CNOT1: variants seen among roughly 807,000 people sequenced by gnomAD.
CNOT1 encodes CCR4-NOT transcription complex subunit 1.
In CNOT1, 15 loss-of-function variants were observed where a neutral mutation model predicts 273.8. The ratio of observed to expected loss-of-function variants is 0.05; its 90% CI spans 0.04 to 0.08. CNOT1 has a LOEUF of 0.08. Ranked by LOEUF, CNOT1 falls within the 10% of genes least tolerant of loss-of-function variation. The pLI is 1.00. For missense variants in CNOT1, 1,644 were observed against 2,912.2 expected (o/e 0.56, Z 10.02); for synonymous variants, 1,022 against 1,005.5 (o/e 1.02, Z -0.31).
At chr16:58,557,080 T>G in intron 18 of CNOT1, 87 bp from the exon 19 acceptor site, 1 of 1,466,084 alleles carries the variant, frequency 6.8e-7, no homozygotes, top group Non-Finnish European at 9.0e-7. Context: ...TAAGACAGAC[T>G]TTTAAAATAA....
At chr16:58,624,901 T>G (rs1036832870) in intron 1 of CNOT1, 2 of 152,072 alleles carry the variant, frequency 1.3e-5, no homozygotes, top group African/African-American at 4.8e-5. Flanking sequence ...GAACAATGCT[T>G]TATTTGGTTT....
chr16:58,539,331 A>G (rs2040006221), intron 35 of CNOT1, among the ~76,000 whole-genome samples: 1 of 152,040 alleles, frequency 6.6e-6, no homozygotes, highest in Non-Finnish European at 1.5e-5. Context: ...TGTCTCTACA[A>G]AAAAATTAAA....
chr16:58,560,682 A>G (rs1180540696), intron 16 of CNOT1, among the ~76,000 whole-genome samples: 1 of 152,164 alleles, frequency 6.6e-6, no homozygotes, highest in Non-Finnish European at 1.5e-5. Context: ...GTTTGAGGCC[A>G]ACCTGGGCAA....
At chr16:58,526,175 C>T in intron 44 of CNOT1, 37 bp from the exon 45 acceptor site, 2 of 1,610,070 alleles carry the variant, frequency 1.2e-6, no homozygotes, top group Non-Finnish European at 1.7e-6. Flanking sequence ...CAAGCAGAAT[C>T]ATTTTTATTA....
rs549144929 is a variant in CNOT1, at chr16:58,593,972, T to A, written c.103-5066A>T. Among the ~76,000 whole-genome samples, 4 of 152,256 alleles carry A rather than the reference T, an allele frequency of 2.6e-5. No homozygotes were observed. The East Asian group carries it at 5.8e-4, about 22-fold the overall frequency. ...AAATGAAAAAAGGCAAGGCCAGGCA[T>A]GGTGGCTCACGCCTGTAATCCCAGC... On this transcript the variant is annotated intron_variant, in intron 2 of 48. Coordinates refer to ENST00000317147, the MANE Select transcript of CNOT1 (RefSeq NM_016284.5).
chr16:58,556,242 T>A (rs902365127), intron 19 of CNOT1, among the ~76,000 whole-genome samples: 1 of 152,194 alleles, frequency 6.6e-6, no homozygotes, highest in East Asian at 1.9e-4. Flanking sequence ...AAAATCACAT[T>A]TAACATATAA....
chr16:58,581,246 CTACTT>C (rs1364929315), intron 11 of CNOT1, 94 bp downstream of exon 11: 1 of 1,371,854 alleles, frequency 7.3e-7, no homozygotes, highest in Non-Finnish European at 9.8e-7. Context: ...ATAACAAATT[CTACTT>C]TACAAGAATA....
chr16:58,546,573 G>A, intron 28 of CNOT1, 75 bp from the exon 29 acceptor site: 1 of 1,604,374 alleles, frequency 6.2e-7, no homozygotes. Flanking sequence ...TCTACTTTCA[G>A]TTATTATAGT....
intron 36 of CNOT1, 129 bp downstream of exon 36, chr16:58,538,643 G>T: frequency 7.4e-7 from 1 of 1,359,664 alleles, no homozygotes; most frequent in Non-Finnish European, 9.9e-7. Context: ...TCACCTCTCA[G>T]AAGTAGGAAG....
chr16:58,590,437 CA>C (rs1438220529), intron 2 of CNOT1, among the ~76,000 whole-genome samples: 1 of 151,564 alleles, frequency 6.6e-6, no homozygotes, highest in Non-Finnish European at 1.5e-5. Context: ...CCATCTCTAC[CA>C]AAAAAAATAG....
intron 13 of CNOT1, among the ~76,000 whole-genome samples, chr16:58,577,091 CTTT>C (rs11287356): frequency 6.8e-5 from 10 of 147,998 alleles, no homozygotes; most frequent in Non-Finnish European, 4.5e-5. Flanking sequence ...AATTCCATTT[CTTT>C]TTTTTTTTTT....
intron 16 of CNOT1, among the ~76,000 whole-genome samples, chr16:58,564,059 T>C (rs190980961): frequency 1.2e-4 from 19 of 152,284 alleles, no homozygotes; most frequent in Admixed American, 3.3e-4. Flanking sequence ...TCTCTAATTG[T>C]ATGGAGTGAA....
chr16:58,617,649 CTTG>C (rs2043139834), intron 1 of CNOT1, among the ~76,000 whole-genome samples: 1 of 152,254 alleles, frequency 6.6e-6, no homozygotes, highest in Non-Finnish European at 1.5e-5. Flanking sequence ...CAACAGTGCC[CTTG>C]TTGAGAAAAT....
intron 14 of CNOT1, 52 bp downstream of exon 14, chr16:58,576,411 T>A: frequency 6.2e-7 from 1 of 1,603,042 alleles, no homozygotes; most frequent in East Asian, 2.3e-5. Context: ...GCGCCCGGCC[T>A]TTTTTTCTCA....
intron 1 of CNOT1, among the ~76,000 whole-genome samples, chr16:58,599,809 TAA>T (rs1057006263): frequency 6.6e-6 from 1 of 152,178 alleles, no homozygotes; most frequent in Non-Finnish European, 1.5e-5. Flanking sequence ...CTCACACCTG[TAA>T]CCCCAGCACT....
At chr16:58,582,269 C>A (rs947854324) in intron 10 of CNOT1, among the ~76,000 whole-genome samples, 1 of 152,008 alleles carries the variant, frequency 6.6e-6, no homozygotes, top group Non-Finnish European at 1.5e-5. Context: ...TTCAGCCTGG[C>A]CAACAGAGTG....
At chr16:58,604,737 C>A (rs1384356686) in intron 1 of CNOT1, among the ~76,000 whole-genome samples, 1 of 143,128 alleles carries the variant, frequency 7.0e-6, no homozygotes, top group Non-Finnish European at 1.5e-5. Context: ...GCAGAGGTTG[C>A]GGTGGGCCAA....
In CNOT1 at chr16:58,574,593, T is replaced by A; in HGVS notation, c.1979+16A>T. The A allele has an allele frequency of 6.4e-7, 1 of 1,564,338 alleles. No homozygotes were observed. The highest frequency in any genetic ancestry group is 8.6e-7 in the Non-Finnish European group (1 of 1,162,776). On this transcript the variant is annotated intron_variant, in intron 16 of 48. Transcript: ENST00000317147. Reference sequence around the variant, plus strand: ...TCCAATTCAAAAAAAGTCATATTCATGTATGTACTTCTTACCCTGCACAAG... The same window carrying A: ...TCCAATTCAAAAAAAGTCATATTCAAGTATGTACTTCTTACCCTGCACAAG...
chr16:58,539,708 G>A (rs2040030715), intron 35 of CNOT1, 60 bp downstream of exon 35: 4 of 1,455,594 alleles, frequency 2.7e-6, no homozygotes, highest in Non-Finnish European at 3.7e-6. Context: ...AGATGGTGGT[G>A]CAGGTCAATA....
Sources: gnomAD v4.1 joint callset for allele counts (sites outside exome capture counted in the v4.1 genomes callset) on GRCh38, gnomAD v4.1.1 for gene constraint, MANE v1.5 for transcripts, NCBI Gene and HGNC (gene_info 2026-07-23, HGNC 2026-07-21) for gene names.